Variants in TNS1 observed in about 807,000 individuals in gnomAD.
The protein encoded by TNS1 is tensin 1.
In TNS1, 62 loss-of-function variants were observed where a neutral mutation model predicts 168.6. That is an observed-to-expected ratio of 0.37 (90% CI 0.30 to 0.45). The LOEUF (loss-of-function observed/expected upper bound fraction) is 0.45. TNS1 is among the 20% of genes least tolerant of loss of function. TNS1 has a pLI of 1.00. For synonymous variants in TNS1, 934 were observed against 933.2 expected (o/e 1.00, Z -0.02); for missense variants, 2,240 against 2,339.4 (o/e 0.96, Z 0.88).
rs561687947 is a variant in TNS1 at position 217,989,324 on chromosome 2, G to A, written c.148+1618C>T. Among the ~76,000 whole-genome samples, 6 of 152,254 alleles carry A rather than the reference G, an allele frequency of 3.9e-5. No individual in the cohort carries two copies. In the East Asian group the frequency reaches 5.8e-4, roughly 15 times the overall value. ...AGTCCCACTGGAAGCTGGTGTGGACGGTGGGTCACAGAGAATAGGTCAGGA... is the reference window on the plus strand; with the variant it reads ...AGTCCCACTGGAAGCTGGTGTGGACAGTGGGTCACAGAGAATAGGTCAGGA... On this transcript the variant is annotated intron_variant, in intron 2 of 32. Transcript: ENST00000682258.
intron 18 of TNS1, among the ~76,000 whole-genome samples, chr2:217,870,003 T>C (rs1949635610): frequency 6.6e-6 from 1 of 151,534 alleles, no homozygotes; most frequent in South Asian, 2.1e-4. Context: ...ACCAGAGCAA[T>C]TGTGTGAGGA....
At position 217,850,895 on chromosome 2, in the gene TNS1, G is replaced by A. The variant is rs1407436368; in HGVS notation, c.1430-1808C>T. Among the ~76,000 whole-genome samples, 5 of 152,028 alleles carry A rather than the reference G, an allele frequency of 3.3e-5. No homozygotes were observed. The South Asian group carries it at 6.2e-4, about 19-fold the overall frequency. ...GTGACCACCGTGCAGTGAGCACAGCGCAAACGCCAACACTTCGCCAGGCAC... is the reference window on the plus strand; with the variant it reads ...GTGACCACCGTGCAGTGAGCACAGCACAAACGCCAACACTTCGCCAGGCAC... On this transcript the variant is annotated intron_variant, in intron 18 of 32. Transcript: ENST00000682258.
In TNS1 at chr2:217,848,248, C is replaced by A; in HGVS notation, c.2269G>T (p.Ala757Ser). 1 of 1,556,436 alleles carries A rather than the reference C, an allele frequency of 6.4e-7. No individual in the cohort carries two copies. The highest frequency in any genetic ancestry group is 2.3e-5 in the East Asian group (1 of 44,396). ...CGGCTGCTTCCCCCTCGGACCGGAGCTGGGGGCAGCTGGGGTTCAGCTTCC... is the reference window on the plus strand; with the variant it reads ...CGGCTGCTTCCCCCTCGGACCGGAGATGGGGGCAGCTGGGGTTCAGCTTCC... ...FSEAEPQLPP[A>S]PVRGGSSREA... Residue 757 changes from alanine to serine, a missense_variant, in exon 19 of 33, where the codon GCT becomes TCT. Coordinates refer to ENST00000682258, the MANE Select transcript of TNS1 (RefSeq NM_001387777.1).
At chr2:217,850,206 G>A (rs1947271138) in intron 18 of TNS1, 2 of 985,266 alleles carry the variant, frequency 2.0e-6, no homozygotes, top group South Asian at 4.7e-5. Context: ...GCCAGCCCGG[G>A]GGCCCCTGAA....
intron 22 of TNS1, chr2:217,829,854 C>T (rs778090001): frequency 5.6e-6 from 9 of 1,614,166 alleles, no homozygotes; most frequent in East Asian, 4.5e-5. Flanking sequence ...CTTCTGACAG[C>T]CTGACCACCA....
At chr2:218,015,774 G>A (rs1025221393) in intron 1 of TNS1, among the ~76,000 whole-genome samples, 1 of 152,166 alleles carries the variant, frequency 6.6e-6, no homozygotes, top group African/African-American at 2.4e-5. Flanking sequence ...TAGGCCTGGA[G>A]TGATGGTGGG....
At position 217,893,500 on chromosome 2, in the gene TNS1, C is replaced by G. The variant is rs1314506236; in HGVS notation, c.656G>C (p.Cys219Ser). The G allele has an allele frequency of 6.2e-7, 1 of 1,613,608 alleles. No individual in the cohort carries two copies. The highest frequency in any genetic ancestry group is 1.7e-5 in the Admixed American group (1 of 60,004). Residue 219 changes from cysteine (C) to serine (S), a missense_variant, in exon 10 of 33, where the codon TGT (cysteine) becomes TCT (serine). Cys to Ser is a moderately radical substitution (Grantham distance 112). Coordinates refer to ENST00000682258, the MANE Select transcript of TNS1 (RefSeq NM_001387777.1). ...TPALEKICSI[C>S]KAMDTWLNAD... The stretch of plus-strand genomic sequence containing the variant: ...ATTGAGCCATGTGTCCATGGCCTTA[C>G]AGATGCTGCAGATCTTCTCCAGGGC...
At chr2:217,997,946 G>T (rs1958500411) in intron 1 of TNS1, among the ~76,000 whole-genome samples, 2 of 152,230 alleles carry the variant, frequency 1.3e-5, no homozygotes, top group African/African-American at 2.4e-5. Context: ...CCTGGCCTCT[G>T]TTTTCTGTAG....
At chr2:217,830,294 G>T in intron 22 of TNS1, 1 of 1,596,662 alleles carries the variant, frequency 6.3e-7, no homozygotes, top group Non-Finnish European at 8.6e-7. Flanking sequence ...TGGCCATGCC[G>T]ACACTCTGAG....
At chr2:217,841,565 T>C (rs1945970064) in intron 19 of TNS1, among the ~76,000 whole-genome samples, 1 of 152,072 alleles carries the variant, frequency 6.6e-6, no homozygotes, top group African/African-American at 2.4e-5. Context: ...GTCCTGCTTC[T>C]CCAAGAGGCA....
At chr2:217,856,281 A>C (rs988139964) in intron 18 of TNS1, among the ~76,000 whole-genome samples, 1 of 152,060 alleles carries the variant, frequency 6.6e-6, no homozygotes, top group East Asian at 1.9e-4. Flanking sequence ...TGATGTGAGG[A>C]AGGCATGAGG....
rs1171642314 is a variant in TNS1, at chr2:218,033,046, T to A, written c.156+774A>T. On this transcript the variant is annotated intron_variant, in intron 1 of 1. Coordinates refer to the TNS1 transcript ENST00000649572. The surrounding 1 kb of genome is among the most constrained non-coding windows in gnomAD (Gnocchi z 4.3). Reference sequence around the variant, plus strand: ...CCTGGCCCAACAGGCACCTGCCCCATGTCAAAGCTGGCTGTGTGGGAGGTG... The same window carrying A: ...CCTGGCCCAACAGGCACCTGCCCCAAGTCAAAGCTGGCTGTGTGGGAGGTG... Among the ~76,000 whole-genome samples the A allele has an allele frequency of 6.6e-6, 1 of 152,012 alleles. No individual in the cohort carries two copies. Among genetic ancestry groups the A allele is most frequent in the Non-Finnish European group, 1.5e-5 (1 of 67,978 alleles).
intron 28 of TNS1, among the ~76,000 whole-genome samples, chr2:217,810,574 A>G (rs1238211804): frequency 2.0e-5 from 3 of 152,224 alleles, no homozygotes; most frequent in African/African-American, 7.2e-5. Flanking sequence ...CTAAGTATCT[A>G]TAAAACAAAG....
At chr2:217,836,571 A>C (rs1226955855) in intron 19 of TNS1, among the ~76,000 whole-genome samples, 1 of 152,180 alleles carries the variant, frequency 6.6e-6, no homozygotes, top group Non-Finnish European at 1.5e-5. Flanking sequence ...GAGGGAAAAG[A>C]CAGTCTCCAA....
intron 18 of TNS1, among the ~76,000 whole-genome samples, chr2:217,855,727 C>A (rs1443569796): frequency 2.6e-5 from 4 of 152,174 alleles, no homozygotes; most frequent in Non-Finnish European, 5.9e-5. Flanking sequence ...TCTTGCCTTA[C>A]ACCGAGTAGC....
At chr2:217,834,584 C>T (rs991275566) in intron 21 of TNS1, among the ~76,000 whole-genome samples, 4 of 152,246 alleles carry the variant, frequency 2.6e-5, no homozygotes, top group Middle Eastern at 6.8e-3. Flanking sequence ...GGCTAAATGC[C>T]TCTGCCTGGA....
chr2:217,810,127 G>T, intron 29 of TNS1, 121 bp downstream of exon 29: 2 of 1,435,752 alleles, frequency 1.4e-6, no homozygotes, highest in Non-Finnish European at 1.9e-6. Context: ...ACATAGAAAT[G>T]TGATCTTCCC....
intron 3 of TNS1, among the ~76,000 whole-genome samples, chr2:217,959,428 CCTTAGCATGGAACCTGGTAT>C (rs1957441766): frequency 6.7e-6 from 1 of 148,866 alleles, no homozygotes; most frequent in African/African-American, 2.5e-5. Flanking sequence ...GAACCTGGTG[CCTTAGCATGGAACCTGGTAT>C]CTTAGTATGG....
intron 18 of TNS1, among the ~76,000 whole-genome samples, chr2:217,853,203 G>A (rs1947734834): frequency 6.6e-6 from 1 of 152,220 alleles, no homozygotes; most frequent in Non-Finnish European, 1.5e-5. Flanking sequence ...AAGGGCAAAA[G>A]AGAGACGGGG....
Sources: gnomAD v4.1 joint callset for allele counts (sites outside exome capture counted in the v4.1 genomes callset) on GRCh38, gnomAD v4.1.1 for gene constraint, Gnocchi (gnomAD v3.1) non-coding constraint, MANE v1.5 for transcripts, NCBI Gene and HGNC (gene_info 2026-07-23, HGNC 2026-07-21) for gene names.